The following ZPLD1 variants were observed in gnomAD, a reference collection of about 807,000 sequenced individuals.
ZPLD1 encodes the protein zona pellucida like domain containing 1.
Under a neutral mutation model 47.2 loss-of-function variants are expected in ZPLD1, and 34 were observed. That is an observed-to-expected ratio of 0.72 (90% CI 0.55 to 0.96). The LOEUF (loss-of-function observed/expected upper bound fraction) is 0.96. ZPLD1 is among the 40% of genes least tolerant of loss of function. The pLI, the probability that ZPLD1 is intolerant of heterozygous loss-of-function variation, is 0.00. For synonymous variants in ZPLD1, 176 were observed against 186.2 expected, an observed-to-expected ratio of 0.95 and a Z score of 0.45; for missense variants, 512 against 505.8, an observed-to-expected ratio of 1.01 and a Z score of -0.12.
At chr3:102,461,289 A>G (rs1185505137) in intron 6 of ZPLD1, among the ~76,000 whole-genome samples, 1 of 152,004 alleles carries the variant, frequency 6.6e-6, no homozygotes, top group Non-Finnish European at 1.5e-5. Flanking sequence ...CCTCTGTTAA[A>G]TGATGTGACT....
In ZPLD1 at chr3:102,478,984, A is replaced by G. The variant is rs558706864; in HGVS notation, c.*1366A>G. The G allele has an allele frequency of 1.3e-5, 2 of 152,318 alleles. No individual in the cohort carries two copies. The highest frequency in any genetic ancestry group is 2.1e-4 in the South Asian group (1 of 4,820). The allele number at this position is 152,318 out of a possible 1,614,324, so 9.4% of individuals were successfully genotyped here. A position where few individuals can be genotyped will look rare whatever the true frequency, so the allele number is the denominator to read the frequency against. On this transcript the variant is annotated 3_prime_UTR_variant, in exon 12 of 12. Transcript: ENST00000466937. ...TATACTGCATGCAAATCATCAAGCA[A>G]TTGCTTCAAAGGAAATGTCTACAAT...
intron 3 of ZPLD1, among the ~76,000 whole-genome samples, chr3:102,440,676 T>C (rs1576148894): frequency 7.4e-6 from 1 of 135,594 alleles, no homozygotes; most frequent in East Asian, 2.1e-4. Flanking sequence ...GAGTAGGGAG[T>C]AGGAAAATAA....
chr3:102,391,561 T>A (rs78737214), intron 6 of ZPLD1, among the ~76,000 whole-genome samples: 6,279 of 152,140 alleles, frequency 0.041, 243 homozygotes, highest in African/African-American at 0.1. Flanking sequence ...GAACATGTTA[T>A]AAGGAAGCCA....
chr3:102,462,372 A>G lies in ZPLD1; in HGVS notation c.674A>G (p.Asp225Gly), dbSNP rs1199954520. 1.9e-6 allele frequency: 3 copies of G among 1,605,920 alleles called. No homozygotes were observed. Among genetic ancestry groups the G allele is most frequent in the Non-Finnish European group, 2.6e-6 (3 of 1,175,596 alleles). Reference sequence around the variant, plus strand: ...GCAGCTGTCCAAGCCACTAATTTGGATGGCAGGTAATTTCAAACTCTTGTC... The same window carrying G: ...GCAGCTGTCCAAGCCACTAATTTGGGTGGCAGGTAATTTCAAACTCTTGTC... ...VFAAVQATNL[D>G]GRWNVLMDYC... Residue 225 changes from aspartate (D) to glycine (G), a missense_variant, in exon 7 of 12, where the codon GAT (aspartate) becomes GGT (glycine). Coordinates refer to ENST00000466937, the MANE Select transcript of ZPLD1 (RefSeq NM_001329788.2).
At chr3:102,448,028 T>G (rs1707283624) in intron 3 of ZPLD1, among the ~76,000 whole-genome samples, 1 of 152,152 alleles carries the variant, frequency 6.6e-6, no homozygotes, top group African/African-American at 2.4e-5. Flanking sequence ...TATTTAAAAT[T>G]TGCAAAATTT....
At chr3:102,456,133 G>A in intron 4 of ZPLD1, 60 bp from the exon 5 acceptor site, 1 of 1,354,574 alleles carries the variant, frequency 7.4e-7, no homozygotes, top group Non-Finnish European at 9.9e-7. Context: ...TTTTGCATAT[G>A]AAGTGCCTAG....
At chr3:102,412,698 T>C (rs1335315755) in intron 7 of ZPLD1, among the ~76,000 whole-genome samples, 1 of 151,774 alleles carries the variant, frequency 6.6e-6, no homozygotes, top group East Asian at 1.9e-4. Context: ...CTGATAGTCA[T>C]AGTTGCTCCA....
intron 10 of ZPLD1, among the ~76,000 whole-genome samples, chr3:102,476,081 T>C (rs1707754301): frequency 6.6e-6 from 1 of 152,174 alleles, no homozygotes; most frequent in Non-Finnish European, 1.5e-5. Flanking sequence ...GTAGCAATAA[T>C]ATCCAAACCA....
chr3:102,425,804 T>C (rs1269113619), intron 8 of ZPLD1, among the ~76,000 whole-genome samples: 1 of 151,856 alleles, frequency 6.6e-6, no homozygotes, highest in Non-Finnish European at 1.5e-5. Flanking sequence ...CTCCAATATC[T>C]TGACAACATT....
intron 8 of ZPLD1, among the ~76,000 whole-genome samples, chr3:102,464,702 T>C (rs1233882700): frequency 6.6e-6 from 1 of 152,198 alleles, no homozygotes; most frequent in Non-Finnish European, 1.5e-5. Context: ...CAGTATTTAG[T>C]ATAAAACTAT....
At chr3:102,461,006 A>G (rs1327548554) in intron 6 of ZPLD1, among the ~76,000 whole-genome samples, 3 of 151,666 alleles carry the variant, frequency 2.0e-5, no homozygotes, top group Admixed American at 2.0e-4. Context: ...AAAAGACTGA[A>G]GAGTATCAGT....
chr3:102,439,585 A>G (rs1242565528), intron 3 of ZPLD1, among the ~76,000 whole-genome samples: 2 of 152,182 alleles, frequency 1.3e-5, no homozygotes, highest in Non-Finnish European at 1.5e-5. Context: ...TACATTTATT[A>G]TTATGGAAAA....
Position 102,450,880 on chromosome 3 carries a change from A to G in ZPLD1, c.107-2039A>G, listed in dbSNP as rs544143662. Among the ~76,000 whole-genome samples the G allele has an allele frequency of 1.8e-4, 28 of 152,346 alleles. 1 individual carries two copies. In the South Asian group the frequency reaches 5.8e-3, roughly 32 times the overall value. On this transcript the variant is annotated intron_variant, in intron 3 of 11. Coordinates refer to ENST00000466937, the MANE Select transcript of ZPLD1 (RefSeq NM_001329788.2). ...TATTTTAGAAAAAAGTATCATTTAG[A>G]AATTATCTTTGCATTTAAATAGTTA... is the stretch of plus-strand genomic sequence containing the variant.
intron 6 of ZPLD1, among the ~76,000 whole-genome samples, chr3:102,458,057 A>G (rs1036585643): frequency 1.3e-5 from 2 of 152,228 alleles, no homozygotes; most frequent in Non-Finnish European, 2.9e-5. Flanking sequence ...AAAAGTTGAT[A>G]TAAGATTTAA....
At position 102,444,876 on chromosome 3, in the gene ZPLD1, A is replaced by AGGT. The variant is rs1559753521; in HGVS notation, c.106+6283_106+6284insGGT. Among the ~76,000 whole-genome samples, 1,123 of 152,262 alleles carry AGGT rather than the reference A, an allele frequency of 7.4e-3. 12 individuals are homozygous for AGGT. The highest frequency in any genetic ancestry group is 0.025 in the African/African-American group (1,041 of 41,552). Reference sequence around the variant, plus strand: ...TACTAATGTGATGATATTCACAGGAATCTCTGCATCTGAACCGTACAGAGC... The same window carrying AGGT: ...TACTAATGTGATGATATTCACAGGAAGGTTCTCTGCATCTGAACCGTACAGAGC... On this transcript the variant is annotated intron_variant, in intron 3 of 11. Transcript: ENST00000466937.
At chr3:102,399,489 G>A (rs1189296576) in intron 7 of ZPLD1, among the ~76,000 whole-genome samples, 1 of 151,898 alleles carries the variant, frequency 6.6e-6, no homozygotes, top group East Asian at 1.9e-4. Context: ...TCGTATGTAT[G>A]ATTCCTTCTC....
At chr3:102,406,762 A>G (rs967906718) in intron 7 of ZPLD1, among the ~76,000 whole-genome samples, 1 of 151,946 alleles carries the variant, frequency 6.6e-6, no homozygotes, top group African/African-American at 2.4e-5. Flanking sequence ...AAGAATGACT[A>G]CCTCTAGCCA....
intron 10 of ZPLD1, among the ~76,000 whole-genome samples, chr3:102,473,815 A>T (rs891880331): frequency 1.3e-5 from 2 of 152,150 alleles, no homozygotes; most frequent in African/African-American, 4.8e-5. Context: ...TCATGACCAG[A>T]ACTACCTTTT....
intron 7 of ZPLD1, among the ~76,000 whole-genome samples, chr3:102,397,394 G>T (rs1282838439): frequency 2.0e-5 from 1 of 49,788 alleles, no homozygotes; most frequent in African/African-American, 1.4e-4. Context: ...GGTAGACTTA[G>T]TAAAGCCCCA....
Sources: allele counts gnomAD v4.1 joint callset (sites outside exome capture counted in the v4.1 genomes callset), GRCh38; gene constraint gnomAD v4.1.1; transcripts MANE v1.5; gene names NCBI Gene and HGNC (gene_info 2026-07-23, HGNC 2026-07-21).